The following IL12RB1 variants were observed in gnomAD, a reference collection of about 807,000 sequenced individuals.
IL12RB1 encodes the protein interleukin 12 receptor subunit beta 1.
Under a neutral mutation model 94.4 loss-of-function variants are expected in IL12RB1, and 64 were observed. That is an observed-to-expected ratio of 0.68 (90% CI 0.55 to 0.83). IL12RB1 has a LOEUF of 0.83. Among genes scored for constraint, IL12RB1 ranks in the 40% least tolerant of loss-of-function variants. The pLI is 0.00. For synonymous variants in IL12RB1, 362 were observed against 355.5 expected (o/e 1.02, Z -0.21); for missense variants, 814 against 855.6 (o/e 0.95, Z 0.61).
intron 2 of IL12RB1, 189 bp downstream of exon 2, chr19:18,083,243 G>A (rs565530331): frequency 2.3e-5 from 16 of 681,716 alleles, no homozygotes; most frequent in Middle Eastern, 7.9e-4. Flanking sequence ...TCAGAGAGGC[G>A]GCTGGCTACT....
intron 9 of IL12RB1, among the ~76,000 whole-genome samples, chr19:18,070,109 G>A (rs1403426228): frequency 6.6e-6 from 1 of 151,998 alleles, no homozygotes; most frequent in African/African-American, 2.4e-5. Context: ...TGGTGGAGAT[G>A]GGGTTTCACC....
intron 2 of IL12RB1, chr19:18,083,064 C>G (rs1272232600): frequency 2.7e-6 from 1 of 363,866 alleles, no homozygotes; most frequent in Non-Finnish European, 5.3e-6. Context: ...ACCTGGGCAG[C>G]AGAACAAGAC....
At chr19:18,092,942 G>A (rs990396612) in intron 1 of IL12RB1, among the ~76,000 whole-genome samples, 4 of 152,136 alleles carry the variant, frequency 2.6e-5, no homozygotes, top group Non-Finnish European at 4.4e-5. Flanking sequence ...AGAATAAAAT[G>A]TATTTGTTCA....
In IL12RB1 at chr19:18,079,554, T is replaced by C. The variant is rs374215498; in HGVS notation, c.409+1278A>G. Among the ~76,000 whole-genome samples, 8 of 152,244 alleles carry C rather than the reference T, an allele frequency of 5.3e-5. No individual in the cohort carries two copies. In the East Asian group the frequency reaches 1.2e-3, roughly 22 times the overall value. ...CTCCCCCATTTCCTCCTTCTCTCCA[T>C]CCCCGGTAACCACAGTTCTACTTTC... is the stretch of plus-strand genomic sequence containing the variant. On this transcript the variant is annotated intron_variant, in intron 4 of 16. Transcript: ENST00000593993.
intron 3 of IL12RB1, among the ~76,000 whole-genome samples, chr19:18,081,521 G>T (rs1357003429): frequency 6.6e-6 from 1 of 151,288 alleles, no homozygotes; most frequent in East Asian, 2.0e-4. Flanking sequence ...ACCACACAGC[G>T]AAGAAACGAA....
chr19:18,079,705 C>T (rs982807791), intron 4 of IL12RB1, among the ~76,000 whole-genome samples: 3 of 151,102 alleles, frequency 2.0e-5, no homozygotes, highest in Admixed American at 1.3e-4. Context: ...GTCAGGAGAT[C>T]GAGACCACGG....
intron 1 of IL12RB1, chr19:18,097,668 G>C (rs910155921): frequency 4.3e-5 from 23 of 530,990 alleles, no homozygotes; most frequent in Non-Finnish European, 5.7e-5. Flanking sequence ...CCTGTGGTCG[G>C]GCTCCCCGGG....
chr19:18,083,124 G>GTT (rs1011117342), intron 2 of IL12RB1: 1 of 534,936 alleles, frequency 1.9e-6, no homozygotes, highest in Non-Finnish European at 3.3e-6. Flanking sequence ...AATTTATCAG[G>GTT]TTGGGGGGGG....
intron 1 of IL12RB1, among the ~76,000 whole-genome samples, chr19:18,095,910 G>A (rs996321931): frequency 1.2e-4 from 18 of 152,090 alleles, no homozygotes; most frequent in African/African-American, 4.1e-4. Context: ...GAGAAAGTGC[G>A]AGTCCCAGGG....
rs756272627 is a variant in IL12RB1 at position 18,086,833 on chromosome 19, G to T, written c.-10C>A. The T allele has an allele frequency of 2.2e-5, 36 of 1,608,302 alleles. No individual in the cohort carries two copies. The South Asian group carries it at 3.8e-4, about 17-fold the overall frequency. On this transcript the variant is annotated 5_prime_UTR_variant, in exon 1 of 17. Transcript: ENST00000593993. Reference sequence around the variant, plus strand: ...TCACCAGCGGCTCCATCGGATCCACGTAGAGCCCCACAGCCCCAGGGGAGC... The same window carrying T: ...TCACCAGCGGCTCCATCGGATCCACTTAGAGCCCCACAGCCCCAGGGGAGC...
intron 14 of IL12RB1, 21 bp downstream of exon 14, chr19:18,062,160 A>G (rs1356213879): frequency 6.6e-7 from 1 of 1,504,562 alleles, no homozygotes; most frequent in Non-Finnish European, 9.3e-7. Flanking sequence ...CGCTATGGTA[A>G]CGGTAAGAGG....
Position 18,098,433 on chromosome 19 carries a change from G to C in IL12RB1, c.-230+322C>G, listed in dbSNP as rs183645209. Among the ~76,000 whole-genome samples, 757 of 152,204 alleles carry C rather than the reference G, an allele frequency of 5.0e-3. 28 individuals carry two copies. Among genetic ancestry groups the C allele is most frequent in the Admixed American group, 0.044 (665 of 15,268 alleles). ...GCGCTGCCAACCAGCAGTGTGACCT[G>C]GGGGGAGGGCACCCTTGCTTCTCTG... On this transcript the variant is annotated intron_variant, in intron 1 of 4. Coordinates refer to the IL12RB1 transcript ENST00000594176.
At chr19:18,092,880 T>A (rs763001558) in intron 1 of IL12RB1, among the ~76,000 whole-genome samples, 5 of 152,124 alleles carry the variant, frequency 3.3e-5, no homozygotes, top group Non-Finnish European at 5.9e-5. Flanking sequence ...CTTCCTGATG[T>A]CCCTTATAGA....
chr19:18,070,644 T>A, intron 9 of IL12RB1: 1 of 500,728 alleles, frequency 2.0e-6, no homozygotes, highest in Non-Finnish European at 2.6e-6. Context: ...CATTTCACTA[T>A]GATATGGGAC....
At chr19:18,076,941 G>A (rs2035525809) in intron 5 of IL12RB1, among the ~76,000 whole-genome samples, 1 of 152,114 alleles carries the variant, frequency 6.6e-6, no homozygotes, top group African/African-American at 2.4e-5. Context: ...ATAATGCCTG[G>A]AGTTTATGTA....
rs1006637623 is a variant in IL12RB1, at chr19:18,072,464, C to T, written c.784-115G>A. 1.9e-5 allele frequency: 14 copies of T among 736,530 alleles called. No individual in the cohort carries two copies. The Admixed American group carries it at 2.8e-4, about 15-fold the overall frequency. 45.6% of individuals were successfully genotyped at this position (736,530 alleles called of 1,614,324 possible). A position where few individuals can be genotyped will look rare whatever the true frequency, so the allele number is the denominator to read the frequency against. On this transcript the variant is annotated intron_variant, in intron 8 of 16. Transcript: ENST00000593993. ...CTTGGACAAAGGCCACAGCCAATAA[C>T]ATGCATCAAAAATTAAAAGAATAAT...
chr19:18,069,361 G>A (rs2034836255), intron 10 of IL12RB1, among the ~76,000 whole-genome samples, 185 bp downstream of exon 10: 1 of 152,234 alleles, frequency 6.6e-6, no homozygotes, highest in Admixed American at 6.5e-5. Flanking sequence ...AGAGGTTCCA[G>A]ACCCATATGG....
intron 1 of IL12RB1, among the ~76,000 whole-genome samples, chr19:18,092,346 C>A (rs1001772479): frequency 6.6e-6 from 1 of 151,496 alleles, no homozygotes; most frequent in African/African-American, 2.4e-5. Flanking sequence ...CAAAATTAGC[C>A]GGGCATGGTG....
intron 10 of IL12RB1, 113 bp downstream of exon 10, chr19:18,069,433 C>G: frequency 9.6e-7 from 1 of 1,037,496 alleles, no homozygotes; most frequent in Non-Finnish European, 1.4e-6. Context: ...AGCAGCAACA[C>G]CTCTCTGGGC....
Sources: allele counts gnomAD v4.1 joint callset (sites outside exome capture counted in the v4.1 genomes callset), GRCh38; gene constraint gnomAD v4.1.1; transcripts MANE v1.5; gene names NCBI Gene and HGNC (gene_info 2026-07-23, HGNC 2026-07-21).